Variants in SYNJ2 observed in about 807,000 individuals in gnomAD.
The protein encoded by SYNJ2 is polyphosphatidylinositol phosphatase SYNJ2.
A neutral mutation model predicts 141.3 loss-of-function variants in SYNJ2; 116 were observed. The ratio of observed to expected loss-of-function variants is 0.82; its 90% CI spans 0.71 to 0.96. The LOEUF is 0.96. SYNJ2 is among the 40% of genes least tolerant of loss of function. SYNJ2 has a pLI of 0.00. For synonymous variants in SYNJ2, 745 were observed against 777.7 expected (o/e 0.96, Z 0.70); for missense variants, 1,873 against 1,934.8 (o/e 0.97, Z 0.60).
intron 18 of SYNJ2, among the ~76,000 whole-genome samples, chr6:158,080,049 G>A (rs966953357): frequency 5.3e-5 from 8 of 152,320 alleles, no homozygotes; most frequent in Middle Eastern, 3.4e-3. Flanking sequence ...CCATCCCTGT[G>A]TCAGAATTAC....
In SYNJ2 at chr6:158,059,322, G is replaced by A. The variant is rs747680097; in HGVS notation, c.923G>A (p.Gly308Asp). 2.6e-5 allele frequency: 41 copies of A among 1,550,742 alleles called. No individual in the cohort carries two copies. The South Asian group carries it at 4.4e-4, about 17-fold the overall frequency. ...GTCGTGAACCTTCTGGGAAGCAGAG[G>A]CGGAGAGGAGGTGCTCAACAGAGCC... ...QVVVNLLGSR[G>D]GEEVLNRAFK... Residue 308 changes from glycine to aspartate, a missense_variant, in exon 7 of 27, where the codon GGC becomes GAC. Physicochemically the swap from Gly to Asp is moderately conservative, Grantham distance 94. Transcript: ENST00000355585.
intron 15 of SYNJ2, among the ~76,000 whole-genome samples, chr6:158,072,668 GTTGT>G (rs1782008400): frequency 1.3e-5 from 2 of 151,498 alleles, no homozygotes; most frequent in African/African-American, 2.4e-5. Context: ...TCCTGTTGGT[GTTGT>G]TTATTTCTTA....
intron 8 of SYNJ2, among the ~76,000 whole-genome samples, chr6:158,063,319 C>T (rs1781338690): frequency 6.6e-6 from 1 of 152,074 alleles, no homozygotes; most frequent in Non-Finnish European, 1.5e-5. Flanking sequence ...TGCTGGGGAT[C>T]CACTGGGATG....
chr6:158,061,283 G>T (rs1348978087), intron 7 of SYNJ2, among the ~76,000 whole-genome samples: 1 of 152,256 alleles, frequency 6.6e-6, no homozygotes, highest in Non-Finnish European at 1.5e-5. Flanking sequence ...CGGGTGGCCT[G>T]GGTAGGCGGA....
At chr6:158,013,407 A>T (rs1176399839) in intron 1 of SYNJ2, among the ~76,000 whole-genome samples, 2 of 152,060 alleles carry the variant, frequency 1.3e-5, no homozygotes, top group Admixed American at 1.3e-4. Context: ...TTTTGAGAAC[A>T]ATTTTGTATA....
chr6:158,052,315 A>G (rs1165224851), intron 5 of SYNJ2, among the ~76,000 whole-genome samples: 1 of 152,250 alleles, frequency 6.6e-6, no homozygotes, highest in Non-Finnish European at 1.5e-5. Flanking sequence ...CTAAATTTTA[A>G]CCTTTTGCCA....
At chr6:158,073,456 C>T (rs1254190450) in intron 15 of SYNJ2, among the ~76,000 whole-genome samples, 1 of 152,158 alleles carries the variant, frequency 6.6e-6, no homozygotes, top group Non-Finnish European at 1.5e-5. Flanking sequence ...CCTCAGCCTC[C>T]CAAAGTGCTG....
chr6:157,994,730 T>C (rs780276428), intron 1 of SYNJ2, among the ~76,000 whole-genome samples: 7 of 152,178 alleles, frequency 4.6e-5, no homozygotes, highest in Non-Finnish European at 8.8e-5. Flanking sequence ...TAAATGGCAT[T>C]TTTGGGTGAG....
chr6:158,020,965 G>A (rs767357623), intron 2 of SYNJ2, among the ~76,000 whole-genome samples: 4 of 152,164 alleles, frequency 2.6e-5, no homozygotes, highest in Admixed American at 6.5e-5. Flanking sequence ...AAAGCCCAAA[G>A]TTCCCCTTTC....
chr6:158,066,308 C>T (rs1781560091), intron 11 of SYNJ2, 136 bp from the exon 12 acceptor site: 6 of 971,710 alleles, frequency 6.2e-6, no homozygotes, highest in Non-Finnish European at 9.1e-6. Context: ...TTGTCGTCTT[C>T]GTAAGGAGCA....
At chr6:157,992,401 C>CTTTTTTTTTTTT (rs57905567) in intron 1 of SYNJ2, among the ~76,000 whole-genome samples, 9 of 120,348 alleles carry the variant, frequency 7.5e-5, no homozygotes, top group Admixed American at 1.9e-4. Context: ...TGGCTTGTTT[C>CTTTTTTTTTTTT]TTTTTTTTTT....
In SYNJ2 at chr6:158,084,844, A is replaced by G. The variant is rs931960250; in HGVS notation, c.3208+670A>G. 6.6e-6 allele frequency among the ~76,000 whole-genome samples: 1 copy of G among 151,830 alleles called. No individual in the cohort carries two copies. The highest frequency in any genetic ancestry group is 1.5e-5 in the Non-Finnish European group (1 of 67,972). On this transcript the variant is annotated intron_variant, in intron 22 of 26. Coordinates refer to ENST00000355585, the MANE Select transcript of SYNJ2 (RefSeq NM_003898.4). This position sits in a 1 kb window ranked among gnomAD's most constrained non-coding sequence, Gnocchi z 5.0. ...CAACAACAAAAAAACTTCTGATTCAATCCCAGTAGAGACATAATCCATATC... is the reference window on the plus strand; with the variant it reads ...CAACAACAAAAAAACTTCTGATTCAGTCCCAGTAGAGACATAATCCATATC...
In SYNJ2 at chr6:158,055,029, G is replaced by T; in HGVS notation, c.857+1G>T. The T allele has an allele frequency of 1.2e-6, 2 of 1,613,760 alleles. No individual in the cohort carries two copies. The highest frequency in any genetic ancestry group is 1.7e-6 in the Non-Finnish European group (2 of 1,180,008). On this transcript the variant is annotated splice_donor_variant, in intron 6 of 26. Transcript: ENST00000355585. LOFTEE classifies it high-confidence loss of function. ...AAGCCAATGCCCCTGCTTTCGACAG[G>T]TAGGGATTGTCTGACACCATCCAAG...
chr6:157,999,288 A>G (rs568210451), intron 1 of SYNJ2, among the ~76,000 whole-genome samples: 1 of 152,160 alleles, frequency 6.6e-6, no homozygotes, highest in Non-Finnish European at 1.5e-5. Flanking sequence ...CTCTCTTGCC[A>G]TCTCCCCCTG....
At chr6:158,042,891 C>A (rs115884207) in intron 4 of SYNJ2, among the ~76,000 whole-genome samples, 226 of 152,322 alleles carry the variant, frequency 1.5e-3, no homozygotes, top group African/African-American at 5.1e-3. Flanking sequence ...TTCATTCAGT[C>A]CTTTTCTCAT....
chr6:158,059,352 A>C lies in SYNJ2; in HGVS notation c.953A>C (p.Lys318Thr), dbSNP rs1156907527. ...GAGGAGGTGCTCAACAGAGCCTTCA[A>C]GGTAAGGCCAGGCTGTCCTCTCCAC... ...GGEEVLNRAFKKLLWASCHAG... is the reference protein window; with the variant it reads ...GGEEVLNRAFTKLLWASCHAG... The change falls in exon 7 of 27, where the codon AAG (lysine) becomes ACG (threonine). Residue 318 changes from lysine to threonine, a missense_variant and splice_region_variant. Coordinates refer to ENST00000355585, the MANE Select transcript of SYNJ2 (RefSeq NM_003898.4). 1 of 1,549,860 alleles carries C rather than the reference A, an allele frequency of 6.5e-7. No individual in the cohort carries two copies. Among genetic ancestry groups the C allele is most frequent in the Non-Finnish European group, 8.7e-7 (1 of 1,146,562 alleles).
At chr6:158,025,997 GTACATACA>G (rs1372198806) in intron 2 of SYNJ2, among the ~76,000 whole-genome samples, 2 of 80,462 alleles carry the variant, frequency 2.5e-5, no homozygotes, top group South Asian at 7.1e-4. Flanking sequence ...ACATACATAC[GTACATACA>G]TACATACATA....
In SYNJ2 at chr6:158,017,254, G is replaced by T. The variant is rs778928276; in HGVS notation, c.178G>T (p.Ala60Ser). The T allele has an allele frequency of 3.1e-6, 5 of 1,613,958 alleles. No homozygotes were observed. Among genetic ancestry groups the T allele is most frequent in the Non-Finnish European group, 4.2e-6 (5 of 1,179,952 alleles). ...IKGQYGKLTD[A>S]YGCLGELRLK... ...AGGACAGTATGGCAAGCTCACGGAC[G>T]CGTACGGCTGCCTGGGGGAGCTGAG... Residue 60 changes from alanine to serine, a missense_variant, in exon 2 of 27, where the codon GCG (alanine) becomes TCG (serine). By Grantham distance (99) the Ala-to-Ser change is moderately conservative. Transcript: ENST00000355585.
intron 3 of SYNJ2, among the ~76,000 whole-genome samples, chr6:158,031,964 A>G (rs922459016): frequency 6.6e-6 from 1 of 152,224 alleles, no homozygotes; most frequent in African/African-American, 2.4e-5. Flanking sequence ...TTGATGCCAC[A>G]TGCAGATTTC....
Sources: allele counts gnomAD v4.1 joint callset (sites outside exome capture counted in the v4.1 genomes callset), GRCh38; gene constraint gnomAD v4.1.1; non-coding constraint Gnocchi (gnomAD v3.1); transcripts MANE v1.5; gene names NCBI Gene and HGNC (gene_info 2026-07-23, HGNC 2026-07-21).